The following FOXK2 variants were observed in gnomAD, a reference collection of about 807,000 sequenced individuals.
FOXK2 encodes forkhead box K2.
A neutral mutation model predicts 53.3 loss-of-function variants in FOXK2; 24 were observed. The ratio of observed to expected loss-of-function variants is 0.45; its 90% confidence interval spans 0.33 to 0.63. The LOEUF is 0.63. Ranked by LOEUF, FOXK2 falls within the 30% of genes least tolerant of loss-of-function variation. The pLI is 0.03. For synonymous variants in FOXK2, 505 were observed against 407.1 expected (o/e 1.24, Z -2.89); for missense variants, 952 against 910.5 (o/e 1.05, Z -0.59).
At chr17:82,546,112 T>TG (rs201253489) in intron 1 of FOXK2, among the ~76,000 whole-genome samples, 1 of 125,192 alleles carries the variant, frequency 8.0e-6, no homozygotes, top group Non-Finnish European at 1.6e-5. Context: ...CAAGCATGGT[T>TG]GGTTTTTTTT....
chr17:82,549,190 A>AGT (rs1403586356), intron 1 of FOXK2, among the ~76,000 whole-genome samples: 1 of 152,176 alleles, frequency 6.6e-6, no homozygotes, highest in Non-Finnish European at 1.5e-5. Context: ...TGTAGCTCCG[A>AGT]GTGTGAGGAT....
At chr17:82,531,642 T>TAC (rs890609737) in intron 1 of FOXK2, among the ~76,000 whole-genome samples, 1 of 152,160 alleles carries the variant, frequency 6.6e-6, no homozygotes, top group African/African-American at 2.4e-5. Flanking sequence ...ACATGGTGTT[T>TAC]GTGTATCTAA....
chr17:82,563,456 C>T lies in FOXK2; in HGVS notation c.522C>T (p.Ala174=), dbSNP rs371316297. ...KQEASESPVK[A]VQPHISPLTI... ...AGGCGTCTGAGTCTCCAGTGAAGGC[C>T]GTACAGCCACACATCTCGCCCCTGA... Residue 174 remains alanine, a synonymous_variant, in exon 2 of 9, where the codon GCC becomes GCT. Coordinates refer to ENST00000335255, the MANE Select transcript of FOXK2 (RefSeq NM_004514.4). 24 of 1,614,022 alleles carry T rather than the reference C, an allele frequency of 1.5e-5. No individual in the cohort carries two copies. Among genetic ancestry groups the T allele is most frequent in the Middle Eastern group, 1.6e-4 (1 of 6,084 alleles).
Position 82,601,501 on chromosome 17 carries a change from G to T in FOXK2, c.*2G>T. 6.3e-7 allele frequency: 1 copy of T among 1,595,900 alleles called. No homozygotes were observed. The highest frequency in any genetic ancestry group is 1.1e-5 in the South Asian group (1 of 90,486). ...AGGGAAAAGGGTGTCCAGAACTAGCGACCGGGAGAGCTTTTCTTTAACGAT... is the reference window on the plus strand; with the variant it reads ...AGGGAAAAGGGTGTCCAGAACTAGCTACCGGGAGAGCTTTTCTTTAACGAT... On this transcript the variant is annotated 3_prime_UTR_variant, in exon 9 of 9. Transcript: ENST00000335255.
chr17:82,556,533 A>G (rs888344054), intron 1 of FOXK2, among the ~76,000 whole-genome samples: 2 of 150,888 alleles, frequency 1.3e-5, no homozygotes, highest in Non-Finnish European at 2.9e-5. Flanking sequence ...CACTTAGATG[A>G]AAACACAGAG....
chr17:82,601,969 A>C lies in FOXK2; in HGVS notation c.*470A>C. 1 of 154,758 alleles carries C rather than the reference A, an allele frequency of 6.5e-6. No individual in the cohort carries two copies. The highest frequency in any genetic ancestry group is 6.4e-5 in the Admixed American group (1 of 15,608). The allele number at this position is 154,758 out of a possible 1,614,324, so 9.6% of individuals were successfully genotyped here. On this transcript the variant is annotated 3_prime_UTR_variant, in exon 9 of 9. Coordinates refer to ENST00000335255, the MANE Select transcript of FOXK2 (RefSeq NM_004514.4). ...AATAATGGGGTCTTGGGCATTTCAC[A>C]TCACTCCATTTCTACTGAGACTTTC...
chr17:82,562,495 G>A (rs549943020), intron 1 of FOXK2, among the ~76,000 whole-genome samples: 5 of 152,100 alleles, frequency 3.3e-5, no homozygotes, highest in South Asian at 4.1e-4. Flanking sequence ...CAGGAGAATC[G>A]CTTGAACCTG....
chr17:82,539,905 G>A (rs1012560457), intron 1 of FOXK2, among the ~76,000 whole-genome samples: 1 of 152,022 alleles, frequency 6.6e-6, no homozygotes, highest in African/African-American at 2.4e-5. Context: ...GGTGGAGGTT[G>A]CAGTGAGCTG....
chr17:82,579,320 G>C (rs968203854), intron 4 of FOXK2, among the ~76,000 whole-genome samples: 1 of 152,218 alleles, frequency 6.6e-6, no homozygotes, highest in East Asian at 1.9e-4. Flanking sequence ...TGGAGGAATT[G>C]ATAGAAAGAT....
intron 8 of FOXK2, among the ~76,000 whole-genome samples, chr17:82,589,378 C>T (rs1021136660): frequency 6.6e-6 from 1 of 152,146 alleles, no homozygotes; most frequent in Non-Finnish European, 1.5e-5. Flanking sequence ...TTAGTCATAT[C>T]TTTTCTCTGC....
At chr17:82,578,493 G>A (rs961438857) in intron 4 of FOXK2, 1 of 152,214 alleles carries the variant, frequency 6.6e-6, no homozygotes, top group African/African-American at 2.4e-5. Flanking sequence ...TTTAATACAT[G>A]TAGCAACAGA....
At chr17:82,577,704 A>G (rs2045006098) in intron 4 of FOXK2, among the ~76,000 whole-genome samples, 1 of 152,180 alleles carries the variant, frequency 6.6e-6, no homozygotes, top group African/African-American at 2.4e-5. Flanking sequence ...TCAGCCTCCA[A>G]AGGGACTAGA....
At chr17:82,574,678 C>G (rs1330554166) in intron 4 of FOXK2, among the ~76,000 whole-genome samples, 1 of 152,150 alleles carries the variant, frequency 6.6e-6, no homozygotes, top group East Asian at 1.9e-4. Flanking sequence ...GAATACTGAC[C>G]CTCACGGGCT....
At chr17:82,560,197 A>G (rs2044777823) in intron 1 of FOXK2, among the ~76,000 whole-genome samples, 2 of 150,990 alleles carry the variant, frequency 1.3e-5, no homozygotes, top group African/African-American at 4.9e-5. Context: ...TTTAGTAGAG[A>G]TGGGGTTTCA....
chr17:82,597,273 A>G (rs1362625742), intron 8 of FOXK2, among the ~76,000 whole-genome samples: 3 of 152,180 alleles, frequency 2.0e-5, no homozygotes, highest in African/African-American at 4.8e-5. Flanking sequence ...TTAGATCAAC[A>G]GAGTCAGTGC....
At position 82,596,018 on chromosome 17, in the gene FOXK2, C is replaced by T. The variant is rs544173800; in HGVS notation, c.1787-5285C>T. Reference sequence around the variant, plus strand: ...GAAAGGCCACTGGAAACCAGAGTCACACTGCGCGTCTGTGCATCTCTGGCC... The same window carrying T: ...GAAAGGCCACTGGAAACCAGAGTCATACTGCGCGTCTGTGCATCTCTGGCC... On this transcript the variant is annotated intron_variant, in intron 8 of 8. Coordinates refer to ENST00000335255, the MANE Select transcript of FOXK2 (RefSeq NM_004514.4). The T allele has an allele frequency of 2.0e-5, 23 of 1,151,352 alleles. No homozygotes were observed. In the African/African-American group the frequency reaches 3.3e-4, roughly 16 times the overall value. The allele number at this position is 1,151,352 out of a possible 1,614,324, so 71.3% of individuals were successfully genotyped here.
chr17:82,576,511 CAG>C, intron 4 of FOXK2: 2 of 582,310 alleles, frequency 3.4e-6, no homozygotes, highest in East Asian at 6.4e-5. Context: ...AATTACAAAA[CAG>C]AGTCAGTCTT....
At chr17:82,581,536 C>T (rs1196413382) in intron 4 of FOXK2, among the ~76,000 whole-genome samples, 4 of 147,310 alleles carry the variant, frequency 2.7e-5, no homozygotes, top group East Asian at 2.0e-4. Context: ...AGTGCAGTGG[C>T]GCAATCTCGG....
chr17:82,539,874 G>A (rs1332859754), intron 1 of FOXK2, among the ~76,000 whole-genome samples: 1 of 151,736 alleles, frequency 6.6e-6, no homozygotes, highest in Non-Finnish European at 1.5e-5. Context: ...GCAGAGGCAG[G>A]AGAATCTCTT....
Sources: allele counts gnomAD v4.1 joint callset (sites outside exome capture counted in the v4.1 genomes callset), GRCh38; gene constraint gnomAD v4.1.1; transcripts MANE v1.5; gene names NCBI Gene and HGNC (gene_info 2026-07-23, HGNC 2026-07-21).